Variants in DENND1A observed in about 807,000 individuals in gnomAD.
DENND1A encodes DENN domain containing 1A, also known as DENN domain-containing protein 1A.
DENND1A carries 51 observed loss-of-function variants against 113.7 expected under a neutral mutation model. The ratio of observed to expected loss-of-function variants is 0.45; its 90% CI spans 0.36 to 0.57. DENND1A has a LOEUF of 0.57. Ranked by LOEUF, DENND1A falls within the 20% of genes least tolerant of loss-of-function variation. DENND1A has a pLI of 0.00. For missense variants in DENND1A, 1,258 were observed against 1,395.9 expected (o/e 0.90, Z 1.57); for synonymous variants, 565 against 570.8 (o/e 0.99, Z 0.14).
intron 8 of DENND1A, among the ~76,000 whole-genome samples, chr9:123,653,651 G>A (rs560995979): frequency 1.4e-4 from 21 of 151,870 alleles, no homozygotes; most frequent in Non-Finnish European, 2.8e-4. Context: ...GTCCTGAGTG[G>A]GTCTGTCTCT....
At chr9:123,497,889 T>A (rs1049878022) in intron 13 of DENND1A, among the ~76,000 whole-genome samples, 1 of 151,192 alleles carries the variant, frequency 6.6e-6, no homozygotes, top group South Asian at 2.1e-4. Context: ...AATGGGACAC[T>A]GATTTTATAA....
At chr9:123,539,298 C>CA (rs2056096581) in intron 13 of DENND1A, among the ~76,000 whole-genome samples, 1 of 144,116 alleles carries the variant, frequency 6.9e-6, no homozygotes, top group African/African-American at 2.6e-5. Flanking sequence ...AAAACTCACA[C>CA]AGTGGGAAAT....
intron 5 of DENND1A, among the ~76,000 whole-genome samples, chr9:123,715,815 G>A (rs983812568): frequency 2.0e-5 from 3 of 152,030 alleles, no homozygotes; most frequent in South Asian, 2.1e-4. Flanking sequence ...TAGCTGGGAC[G>A]AGAGGCGGCG....
At chr9:123,538,809 C>CATATAT (rs35223887) in intron 13 of DENND1A, among the ~76,000 whole-genome samples, 17 of 22,446 alleles carry the variant, frequency 7.6e-4, no homozygotes, top group East Asian at 1.3e-3. Context: ...ACAACTCATA[C>CATATAT]ATATATATAT....
At chr9:123,905,091 C>CTT (rs1852518330) in intron 1 of DENND1A, among the ~76,000 whole-genome samples, 1 of 151,698 alleles carries the variant, frequency 6.6e-6, no homozygotes, top group African/African-American at 2.4e-5. Flanking sequence ...CCCAGAATTT[C>CTT]ATATCCAGCC....
intron 7 of DENND1A, among the ~76,000 whole-genome samples, chr9:123,668,565 G>C (rs1210801982): frequency 5.3e-5 from 8 of 152,212 alleles, no homozygotes; most frequent in Admixed American, 5.2e-4. Flanking sequence ...CACACAGCTA[G>C]TACGTGGCAG....
At chr9:123,431,726 G>C (rs184109823) in intron 19 of DENND1A, among the ~76,000 whole-genome samples, 3 of 152,286 alleles carry the variant, frequency 2.0e-5, no homozygotes, top group Admixed American at 2.0e-4. Context: ...CCTGGAGCTG[G>C]AACAGAGACC....
rs575067875 is a variant in DENND1A at position 123,454,741 on chromosome 9, G to A, written c.1225C>T (p.Arg409Trp). The change falls in exon 16 of 24, where the codon CGG (arginine) becomes TGG (tryptophan). Residue 409 changes from arginine (R) to tryptophan (W), a missense_variant and splice_region_variant. Coordinates refer to ENST00000394215, the MANE Select transcript of DENND1A (RefSeq NM_001352964.2). ...KLYHQWLSTVRKGSGAILNTV... is the reference protein window; with the variant it reads ...KLYHQWLSTVWKGSGAILNTV... ...CTCTGAATTGGGTGCATGCTTACCC[G>A]GACAGTGGAGAGCCACTGATGGTAC... 7.1e-6 allele frequency: 11 copies of A among 1,554,718 alleles called. No individual in the cohort carries two copies. The highest frequency in any genetic ancestry group is 1.7e-4 in the Middle Eastern group (1 of 5,994).
chr9:123,792,511 A>G, intron 3 of DENND1A, 76 bp downstream of exon 3: 1 of 1,454,306 alleles, frequency 6.9e-7, no homozygotes, highest in Non-Finnish European at 9.4e-7. Flanking sequence ...TCTTTCAGTA[A>G]AAAGAACAGT....
intron 11 of DENND1A, among the ~76,000 whole-genome samples, chr9:123,593,724 T>C (rs975992176): frequency 1.2e-4 from 19 of 152,164 alleles, no homozygotes; most frequent in African/African-American, 4.1e-4. Flanking sequence ...AGCTTGTTAA[T>C]CAAAATTTTA....
chr9:123,787,340 AG>A (rs1564270497), intron 3 of DENND1A, among the ~76,000 whole-genome samples: 2 of 152,204 alleles, frequency 1.3e-5, no homozygotes, highest in South Asian at 4.1e-4. Context: ...TCAGGGCATG[AG>A]TAAGTTTTAC....
chr9:123,884,997 GCACACACACACACACACA>G (rs57555620), intron 1 of DENND1A, among the ~76,000 whole-genome samples: 1 of 145,836 alleles, frequency 6.9e-6, no homozygotes, highest in African/African-American at 2.5e-5. Flanking sequence ...GAGCGCGCGC[GCACACACACACACACACA>G]CACACACACA....
At chr9:123,674,333 GTCTC>G (rs147489412) in intron 6 of DENND1A, among the ~76,000 whole-genome samples, 15 of 113,742 alleles carry the variant, frequency 1.3e-4, no homozygotes, top group African/African-American at 3.0e-4. Flanking sequence ...CTCTGTCTCT[GTCTC>G]TCTCTCACAC....
intron 1 of DENND1A, among the ~76,000 whole-genome samples, chr9:123,903,196 G>C (rs1161961251): frequency 6.6e-6 from 1 of 150,500 alleles, no homozygotes; most frequent in East Asian, 1.9e-4. Flanking sequence ...GCCGGGCATA[G>C]TGGCGGGCGC....
chr9:123,784,954 T>G (rs1831893940), intron 3 of DENND1A, among the ~76,000 whole-genome samples: 1 of 152,178 alleles, frequency 6.6e-6, no homozygotes, highest in Non-Finnish European at 1.5e-5. Flanking sequence ...ATACTTTCGT[T>G]AAGATGTCAG....
chr9:123,436,751 CT>C (rs771312212), intron 19 of DENND1A, among the ~76,000 whole-genome samples: 716 of 145,324 alleles, frequency 4.9e-3, no homozygotes, highest in African/African-American at 7.8e-3. Flanking sequence ...GACAAAATAT[CT>C]TTTTTTTTTT....
chr9:123,459,704 C>G (rs984475228), intron 13 of DENND1A, among the ~76,000 whole-genome samples: 1 of 152,020 alleles, frequency 6.6e-6, no homozygotes, highest in African/African-American at 2.4e-5. Context: ...AACACCCCAC[C>G]CCCCAGCCCT....
chr9:123,627,925 A>T (rs1166936823), intron 10 of DENND1A, among the ~76,000 whole-genome samples: 1 of 152,118 alleles, frequency 6.6e-6, no homozygotes, highest in Non-Finnish European at 1.5e-5. Flanking sequence ...TATAAAGTGC[A>T]TTAGCACATA....
At chr9:123,875,904 A>G (rs1847380197) in intron 2 of DENND1A, among the ~76,000 whole-genome samples, 2 of 152,220 alleles carry the variant, frequency 1.3e-5, no homozygotes, top group Admixed American at 1.3e-4. Flanking sequence ...AGGCCAAGGC[A>G]GGGGTCCCTC....
Sources: allele counts gnomAD v4.1 joint callset (sites outside exome capture counted in the v4.1 genomes callset), GRCh38; gene constraint gnomAD v4.1.1; transcripts MANE v1.5; gene names NCBI Gene and HGNC (gene_info 2026-07-23, HGNC 2026-07-21).